NOVA1: variants seen among roughly 807,000 people sequenced by gnomAD.
The protein encoded by NOVA1 is RNA-binding protein Nova-1.
NOVA1 carries 7 observed loss-of-function variants against 38.0 expected under a neutral mutation model. The ratio of observed to expected loss-of-function variants is 0.18; its 90% CI spans 0.10 to 0.35. NOVA1 has a LOEUF of 0.35. NOVA1 is among the 10% of genes least tolerant of loss of function. The pLI, the probability that NOVA1 is intolerant of heterozygous loss-of-function variation, is 1.00. For synonymous variants in NOVA1, 270 were observed against 232.5 expected (o/e 1.16, Z -1.47); for missense variants, 460 against 616.0 (o/e 0.75, Z 2.68).
At chr14:26,592,743 CAAAT>C (rs1893934344) in intron 2 of NOVA1, 1 of 151,382 alleles carries the variant, frequency 6.6e-6, no homozygotes, top group Non-Finnish European at 1.5e-5. Context: ...ATAAGAAAAA[CAAAT>C]AAGCATACAA....
chr14:26,556,312 A>T (rs1340489801), intron 2 of NOVA1, among the ~76,000 whole-genome samples: 6 of 152,134 alleles, frequency 3.9e-5, no homozygotes. Flanking sequence ...CAATGGACAG[A>T]ACAGAAATAA....
At chr14:26,538,412 A>C (rs1346873634) in intron 2 of NOVA1, among the ~76,000 whole-genome samples, 1 of 152,174 alleles carries the variant, frequency 6.6e-6, no homozygotes, top group African/African-American at 2.4e-5. Context: ...AAAAACTAAT[A>C]ATCAAAAATA....
At chr14:26,480,666 TG>T (rs949714090) in intron 2 of NOVA1, among the ~76,000 whole-genome samples, 11 of 151,514 alleles carry the variant, frequency 7.3e-5, no homozygotes, top group South Asian at 4.1e-4. Context: ...TATTTTACAT[TG>T]TTTTTTTTTT....
intron 2 of NOVA1, among the ~76,000 whole-genome samples, chr14:26,485,464 T>C (rs1885811170): frequency 1.3e-5 from 2 of 152,140 alleles, no homozygotes; most frequent in South Asian, 2.1e-4. Context: ...AAATAATGGA[T>C]AATTTAACAA....
intron 2 of NOVA1, among the ~76,000 whole-genome samples, chr14:26,489,709 G>A (rs577670803): frequency 1.1e-4 from 17 of 151,974 alleles, no homozygotes; most frequent in African/African-American, 3.6e-4. Context: ...AGTGGTGCAC[G>A]CCTGTAGTCC....
At chr14:26,544,581 T>A (rs556116874) in intron 2 of NOVA1, among the ~76,000 whole-genome samples, 6 of 152,162 alleles carry the variant, frequency 3.9e-5, no homozygotes, top group African/African-American at 1.4e-4. Flanking sequence ...AGAAAAGACA[T>A]TTTATATTGG....
At chr14:26,572,281 A>C (rs925585853) in intron 2 of NOVA1, among the ~76,000 whole-genome samples, 7 of 152,178 alleles carry the variant, frequency 4.6e-5, no homozygotes, top group African/African-American at 1.7e-4. Context: ...TTATAGAATA[A>C]ACAGAGAATA....
intron 2 of NOVA1, among the ~76,000 whole-genome samples, chr14:26,537,639 C>G (rs923426062): frequency 6.6e-6 from 1 of 152,116 alleles, no homozygotes; most frequent in Non-Finnish European, 1.5e-5. Context: ...CCACCATATG[C>G]CCAACAATAG....
chr14:26,535,641 A>C (rs1890011562), intron 2 of NOVA1, among the ~76,000 whole-genome samples: 1 of 152,164 alleles, frequency 6.6e-6, no homozygotes, highest in Non-Finnish European at 1.5e-5. Flanking sequence ...CTATCAGCAG[A>C]AACAGATGAC....
intron 2 of NOVA1, among the ~76,000 whole-genome samples, chr14:26,589,469 A>G (rs1421090335): frequency 6.6e-6 from 1 of 151,796 alleles, no homozygotes; most frequent in Non-Finnish European, 1.5e-5. Context: ...ATTAAGTTCA[A>G]AATCTTAAAA....
At chr14:26,562,173 G>GCTT (rs756738248) in intron 2 of NOVA1, among the ~76,000 whole-genome samples, 2 of 152,070 alleles carry the variant, frequency 1.3e-5, no homozygotes, top group Non-Finnish European at 2.9e-5. Flanking sequence ...TGTATTGTAG[G>GCTT]CTTCTGGTCC....
chr14:26,551,020 C>T (rs902868197), intron 2 of NOVA1, among the ~76,000 whole-genome samples: 3 of 151,902 alleles, frequency 2.0e-5, no homozygotes, highest in African/African-American at 7.3e-5. Flanking sequence ...CTAGAGTCCA[C>T]ATATGAAATT....
chr14:26,552,708 T>C (rs1891235015), intron 2 of NOVA1, among the ~76,000 whole-genome samples: 1 of 152,112 alleles, frequency 6.6e-6, no homozygotes, highest in Non-Finnish European at 1.5e-5. Context: ...TATAACTAAC[T>C]ATTAAATATA....
At chr14:26,585,618 A>G (rs1021517144) in intron 2 of NOVA1, among the ~76,000 whole-genome samples, 2 of 151,330 alleles carry the variant, frequency 1.3e-5, no homozygotes, top group Admixed American at 6.6e-5. Flanking sequence ...CTACAATGTG[A>G]TACAGCTATA....
chr14:26,470,094 T>C (rs1319346746), intron 4 of NOVA1: 2 of 520,416 alleles, frequency 3.8e-6, no homozygotes, highest in Non-Finnish European at 2.6e-6. Context: ...ATATTGGAAA[T>C]GCAGATCAAA....
chr14:26,458,718 T>C (rs1883387797), intron 4 of NOVA1, among the ~76,000 whole-genome samples: 1 of 152,026 alleles, frequency 6.6e-6, no homozygotes, highest in Non-Finnish European at 1.5e-5. Flanking sequence ...TCGGGCACTA[T>C]GCTCACTATT....
chr14:26,454,105 A>G (rs1566432949), intron 4 of NOVA1, among the ~76,000 whole-genome samples: 1 of 152,164 alleles, frequency 6.6e-6, no homozygotes, highest in Admixed American at 6.5e-5. Flanking sequence ...ACACTGGAAG[A>G]ATTGTCTCAA....
intron 2 of NOVA1, among the ~76,000 whole-genome samples, chr14:26,485,562 T>C (rs1885818640): frequency 6.6e-6 from 1 of 152,044 alleles, no homozygotes; most frequent in Non-Finnish European, 1.5e-5. Flanking sequence ...AGAAAAATAT[T>C]TTTTGTTGTG....
At chr14:26,532,586 G>A (rs1176428059) in intron 2 of NOVA1, among the ~76,000 whole-genome samples, 1 of 152,188 alleles carries the variant, frequency 6.6e-6, no homozygotes, top group Admixed American at 6.5e-5. Context: ...GGGGCACAAT[G>A]AAATTTTTTG....
Sources: allele counts gnomAD v4.1 joint callset (sites outside exome capture counted in the v4.1 genomes callset), GRCh38; gene constraint gnomAD v4.1.1; transcripts MANE v1.5; gene names NCBI Gene and HGNC (gene_info 2026-07-23, HGNC 2026-07-21).